SPTBN2: variants seen among roughly 807,000 people sequenced by gnomAD.
SPTBN2 encodes the protein spectrin beta chain, non-erythrocytic 2.
A neutral mutation model predicts 284.2 loss-of-function variants in SPTBN2; 107 were observed. The ratio of observed to expected loss-of-function variants is 0.38; its 90% CI spans 0.32 to 0.44. SPTBN2 has a LOEUF of 0.44. Among genes scored for constraint, SPTBN2 ranks in the 20% least tolerant of loss-of-function variants. The probability of loss-of-function intolerance (pLI) is 1.00; values close to 1 mark genes in which losing one functional copy is unlikely to be tolerated. For synonymous variants in SPTBN2, 1,289 were observed against 1,354.8 expected, an observed-to-expected ratio of 0.95 and a Z score of 1.07; for missense variants, 2,569 against 3,287.1, an observed-to-expected ratio of 0.78 and a Z score of 5.34.
At chr11:66,743,894 C>T (rs1043890097) in intron 1 of SPTBN2, among the ~76,000 whole-genome samples, 1 of 151,530 alleles carries the variant, frequency 6.6e-6, no homozygotes, top group African/African-American at 2.4e-5. Context: ...GAGTTTCGCT[C>T]TTTTTGCCCA....
intron 10 of SPTBN2, among the ~76,000 whole-genome samples, 175 bp from the exon 11 acceptor site, chr11:66,709,194 T>G (rs189142455): frequency 1.8e-4 from 28 of 152,042 alleles, no homozygotes; most frequent in Non-Finnish European, 3.5e-4. Context: ...TTATTTTATT[T>G]TGAGACAGAG....
Position 66,715,913 on chromosome 11 carries a change from A to C in SPTBN2, c.226T>G (p.Cys76Gly), listed in dbSNP as rs780472257. Residue 76 changes from cysteine (C) to glycine (G), a missense_variant, in exon 4 of 38, where the codon TGC (cysteine) becomes GGC (glycine). Cys to Gly is a radical substitution (Grantham distance 159, BLOSUM62 -3). Transcript: ENST00000533211. The surrounding 1 kb of genome is among the most constrained non-coding windows in gnomAD (Gnocchi z 5.3). The part of the protein sequence containing the change: ...WVNSHLARVT[C>G]RVGDLYSDLR... The stretch of plus-strand genomic sequence containing the variant: ...TCGCTGTACAGGTCCCCCACCCGGC[A>C]CGTGACCCGGGCCAGGTGCGAGTTT... 1 of 1,613,836 alleles carries C rather than the reference A, an allele frequency of 6.2e-7. No individual in the cohort carries two copies. The highest frequency in any genetic ancestry group is 2.2e-5 in the East Asian group (1 of 44,842).
At chr11:66,744,173 T>C (rs1942932498) in intron 1 of SPTBN2, among the ~76,000 whole-genome samples, 1 of 152,236 alleles carries the variant, frequency 6.6e-6, no homozygotes, top group Non-Finnish European at 1.5e-5. Context: ...GGGCGTCGTT[T>C]TTAATTTCAG....
At chr11:66,705,489 G>A (rs767848060) in intron 14 of SPTBN2, 21 bp from the exon 15 acceptor site, 18 of 1,612,778 alleles carry the variant, frequency 1.1e-5, no homozygotes, top group Non-Finnish European at 1.4e-5. Flanking sequence ...CACAGGAGAG[G>A]GTCAGAGCCT....
At chr11:66,716,751 C>T (rs1942169687) in intron 3 of SPTBN2, among the ~76,000 whole-genome samples, 2 of 152,234 alleles carry the variant, frequency 1.3e-5, no homozygotes, top group South Asian at 2.1e-4. Flanking sequence ...CACAAAATGG[C>T]TCCTTGGTGA....
intron 1 of SPTBN2, among the ~76,000 whole-genome samples, chr11:66,742,577 G>A (rs1590999892): frequency 6.6e-6 from 1 of 151,992 alleles, no homozygotes; most frequent in Admixed American, 6.6e-5. Flanking sequence ...TTCTCAAGGT[G>A]GAGCATTTTC....
chr11:66,694,820 T>G (rs530377114), intron 21 of SPTBN2, among the ~76,000 whole-genome samples: 3 of 152,322 alleles, frequency 2.0e-5, no homozygotes, highest in African/African-American at 7.2e-5. Flanking sequence ...GCAGGCACAA[T>G]CTAGGCCTTG....
At position 66,692,731 on chromosome 11, in the gene SPTBN2, T is replaced by A. The variant is rs1268227894; in HGVS notation, c.4995A>T (p.Ile1665=). The change falls in exon 26 of 38, where the codon ATA becomes ATT. Residue 1665 remains isoleucine, a synonymous_variant. Transcript: ENST00000533211. ...TGTCCACCTGGGCTTGGCGGATGGA[T>A]ATCCGAGTGCTGCAAGAAGAGTGAG... The part of the protein sequence containing the change: ...IDHEHPESTR[I]SIRQAQVDKL... 1.2e-6 allele frequency: 2 copies of A among 1,601,844 alleles called. No homozygotes were observed. The highest frequency in any genetic ancestry group is 1.7e-5 in the Admixed American group (1 of 60,030).
chr11:66,722,965 G>C (rs1565159463), intron 1 of SPTBN2, among the ~76,000 whole-genome samples: 1 of 151,896 alleles, frequency 6.6e-6, no homozygotes, highest in Non-Finnish European at 1.5e-5. Context: ...ACAGTGCCGG[G>C]TTTTGAAAAG....
At chr11:66,734,750 C>T (rs761618435) in intron 1 of SPTBN2, among the ~76,000 whole-genome samples, 7 of 152,142 alleles carry the variant, frequency 4.6e-5, no homozygotes, top group Non-Finnish European at 1.0e-4. Context: ...CCCAGCAGAG[C>T]AAACATATAG....
rs763704842 is a variant in SPTBN2 at position 66,705,483 on chromosome 11, G to A, written c.1808-15C>T. On this transcript the variant is annotated splice_polypyrimidine_tract_variant and intron_variant, in intron 14 of 37. Coordinates refer to ENST00000533211, the MANE Select transcript of SPTBN2 (RefSeq NM_006946.4). ...AGGTCTATACTCTGAGAAAGTCACA[G>A]GAGAGGGTCAGAGCCTTAACCCAGC... is the stretch of plus-strand genomic sequence containing the variant. The A allele has an allele frequency of 1.2e-6, 2 of 1,612,862 alleles. No homozygotes were observed. The highest frequency in any genetic ancestry group is 1.7e-6 in the Non-Finnish European group (2 of 1,180,008).
Position 66,728,813 on chromosome 11 carries a change from C to T in SPTBN2, c.-186G>A, listed in dbSNP as rs1199578579. The T allele has an allele frequency of 6.6e-6, 1 of 152,144 alleles. No individual in the cohort carries two copies. The highest frequency in any genetic ancestry group is 1.5e-5 in the Non-Finnish European group (1 of 68,058). The allele number at this position is 152,144 out of a possible 1,614,324, so 9.4% of individuals were successfully genotyped here. On this transcript the variant is annotated 5_prime_UTR_variant, in exon 1 of 38. Coordinates refer to ENST00000533211, the MANE Select transcript of SPTBN2 (RefSeq NM_006946.4). ...CGCGATCCTTCCTCTAATGACACTG[C>T]CGACGAGGTTTCCCGAGATCCAGCC...
intron 10 of SPTBN2, 110 bp from the exon 11 acceptor site, chr11:66,709,129 T>C (rs937392937): frequency 2.2e-6 from 2 of 896,654 alleles, no homozygotes; most frequent in East Asian, 2.4e-5. Flanking sequence ...ACAAAAGCAA[T>C]ATAAACTTTT....
intron 1 of SPTBN2, chr11:66,744,442 C>T (rs1487957701): frequency 1.2e-5 from 2 of 160,524 alleles, no homozygotes; most frequent in Non-Finnish European, 2.7e-5. Context: ...GAAGGGCGGC[C>T]AAAGCCCGGA....
intron 19 of SPTBN2, 23 bp downstream of exon 19, chr11:66,698,969 C>T (rs376768874): frequency 1.2e-6 from 2 of 1,613,804 alleles, no homozygotes; most frequent in African/African-American, 2.7e-5. Context: ...TAGGGAATAT[C>T]CCGGGGCCCC....
Position 66,700,759 on chromosome 11 carries a change from C to A in SPTBN2, c.3340G>T (p.Val1114Leu), listed in dbSNP as rs762866906. 1.9e-6 allele frequency: 3 copies of A among 1,602,398 alleles called. No homozygotes were observed. Among genetic ancestry groups the A allele is most frequent in the South Asian group, 2.2e-5 (2 of 91,054 alleles). Residue 1114 changes from valine to leucine, a missense_variant, in exon 17 of 38, where the codon GTG becomes TTG. Coordinates refer to ENST00000533211, the MANE Select transcript of SPTBN2 (RefSeq NM_006946.4). The surrounding 1 kb of genome is among the most constrained non-coding windows in gnomAD (Gnocchi z 6.6). ...CTATACTCGCTCTGGGCCCGCTCCA[C>A]CTCTCCCCGCAGGGCTGCATGTTGG... Reference protein sequence around the residue: ...LAQHAALRGEVERAQSEYSRL... With the variant: ...LAQHAALRGELERAQSEYSRL...
chr11:66,715,103 G>A lies in SPTBN2; in HGVS notation c.483+119C>T. 1 of 1,315,712 alleles carries A rather than the reference G, an allele frequency of 7.6e-7. No individual in the cohort carries two copies. The allele number at this position is 1,315,712 out of a possible 1,614,324, so 81.5% of individuals were successfully genotyped here. A position where few individuals can be genotyped will look rare whatever the true frequency, so the allele number is the denominator to read the frequency against. ...CTTGGATAGCGCCGCCATGGCAGCT[G>A]CTACATAAGGTTCTAGATCCTCCAT... is the stretch of plus-strand genomic sequence containing the variant. On this transcript the variant is annotated intron_variant, in intron 5 of 37. Coordinates refer to ENST00000533211, the MANE Select transcript of SPTBN2 (RefSeq NM_006946.4). This position sits in a 1 kb window ranked among gnomAD's most constrained non-coding sequence, Gnocchi z 5.3.
chr11:66,710,736 C>G lies in SPTBN2; in HGVS notation c.919G>C (p.Val307Leu). ...GAGGCCAGGGACTCGTATTTCTCCA[C>G]CAGGCGCTCTGCCTCCATGGCATGG... ...LDHAMEAERLVEKYESLASEL... is the reference protein window; with the variant it reads ...LDHAMEAERLLEKYESLASEL... The change falls in exon 10 of 38, where the codon GTG becomes CTG. Residue 307 changes from valine to leucine, a missense_variant. Around this residue, in one of 6 missense-constraint regions of SPTBN2, gnomAD observed 304 missense variants for 522.1 expected, o/e 0.58. Coordinates refer to ENST00000533211, the MANE Select transcript of SPTBN2 (RefSeq NM_006946.4). The surrounding 1 kb of genome is among the most constrained non-coding windows in gnomAD (Gnocchi z 4.9). 6.2e-7 allele frequency: 1 copy of G among 1,614,158 alleles called. No homozygotes were observed. The highest frequency in any genetic ancestry group is 8.5e-7 in the Non-Finnish European group (1 of 1,180,040).
At chr11:66,704,536 C>T (rs1293600254) in intron 15 of SPTBN2, 62 bp downstream of exon 15, 1 of 1,565,502 alleles carries the variant, frequency 6.4e-7, no homozygotes, top group Non-Finnish European at 8.7e-7. Flanking sequence ...TCACCACCCA[C>T]ATCCTGGCCC....
Sources: gnomAD v4.1 joint callset for allele counts (sites outside exome capture counted in the v4.1 genomes callset) on GRCh38, gnomAD v4.1.1 for gene constraint, gnomAD v4.1.1 regional missense constraint, Gnocchi (gnomAD v3.1) non-coding constraint, MANE v1.5 for transcripts, NCBI Gene and HGNC (gene_info 2026-07-23, HGNC 2026-07-21) for gene names.